The following TNIP1 variants were observed in gnomAD, a reference collection of about 807,000 sequenced individuals.
The protein encoded by TNIP1 is TNFAIP3-interacting protein 1.
Under a neutral mutation model 86.6 loss-of-function variants are expected in TNIP1, and 22 were observed. That is an observed-to-expected ratio of 0.25 (90% CI 0.18 to 0.36). The LOEUF (loss-of-function observed/expected upper bound fraction) is 0.36, where lower values mean the gene tolerates loss of function less well. TNIP1 is among the 10% of genes least tolerant of loss of function. TNIP1 has a pLI of 1.00. For missense variants in TNIP1, 709 were observed against 820.6 expected (o/e 0.86, Z 1.66); for synonymous variants, 294 against 313.0 (o/e 0.94, Z 0.64).
intron 11 of TNIP1, among the ~76,000 whole-genome samples, chr5:151,040,807 A>G (rs912608995): frequency 6.6e-6 from 1 of 152,186 alleles, no homozygotes; most frequent in African/African-American, 2.4e-5. Flanking sequence ...GAAAATGTCC[A>G]TTTTTAAGCT....
chr5:151,033,239 G>A (rs1477221068), intron 16 of TNIP1, among the ~76,000 whole-genome samples: 2 of 151,756 alleles, frequency 1.3e-5, no homozygotes, highest in Non-Finnish European at 2.9e-5. Flanking sequence ...AAAGGAAAGA[G>A]AGAGAAACAT....
At chr5:151,062,091 A>T (rs371678586) in intron 4 of TNIP1, 36 bp downstream of exon 4, 4 of 1,598,870 alleles carry the variant, frequency 2.5e-6, no homozygotes, top group Non-Finnish European at 3.4e-6. Flanking sequence ...AGGTCCATCC[A>T]GGCAACCTCC....
At chr5:151,067,509 G>A (rs1269304858) in intron 1 of TNIP1, among the ~76,000 whole-genome samples, 3 of 152,218 alleles carry the variant, frequency 2.0e-5, no homozygotes, top group Admixed American at 6.5e-5. Flanking sequence ...CAAGGGGCCT[G>A]GAGCCACCTT....
chr5:151,039,031 G>A, intron 12 of TNIP1, 66 bp downstream of exon 12: 1 of 1,562,774 alleles, frequency 6.4e-7, no homozygotes, highest in Non-Finnish European at 8.7e-7. Flanking sequence ...GGGTGCCAGT[G>A]ATGGGGTGGG....
chr5:151,038,002 T>A (rs1237997623), intron 12 of TNIP1, among the ~76,000 whole-genome samples: 1 of 152,222 alleles, frequency 6.6e-6, no homozygotes, highest in Non-Finnish European at 1.5e-5. Context: ...GCATTACTCA[T>A]CCACATGGTG....
chr5:151,076,139 G>A (rs1763367353), intron 1 of TNIP1, among the ~76,000 whole-genome samples: 1 of 152,220 alleles, frequency 6.6e-6, no homozygotes. Context: ...ACTGTCCTGG[G>A]CCAGTCATGG....
At chr5:151,033,127 C>CAA (rs11375507) in intron 16 of TNIP1, among the ~76,000 whole-genome samples, 17,802 of 78,400 alleles carry the variant, frequency 0.23, 2,405 homozygotes, top group East Asian at 0.58. Flanking sequence ...AATTCCATCT[C>CAA]AAAAAAAAAA....
chr5:151,068,129 C>T lies in TNIP1; in HGVS notation c.-36-2998G>A, dbSNP rs3805430. Among the ~76,000 whole-genome samples, 4 of 152,236 alleles carry T rather than the reference C, an allele frequency of 2.6e-5. No homozygotes were observed. The East Asian group carries it at 5.8e-4, about 22-fold the overall frequency. On this transcript the variant is annotated intron_variant, in intron 1 of 17. Transcript: ENST00000521591. ...AAAGAAAGGCAGTGGGCAGAGGAGA[C>T]GCAGGAGAAATATCCTATTGTGGGA...
At chr5:151,051,376 C>T (rs915108024) in intron 7 of TNIP1, among the ~76,000 whole-genome samples, 3 of 152,128 alleles carry the variant, frequency 2.0e-5, no homozygotes, top group Non-Finnish European at 2.9e-5. Context: ...AGCTGGTACC[C>T]ACCAGATGAC....
intron 11 of TNIP1, among the ~76,000 whole-genome samples, chr5:151,041,417 C>A (rs1581756760): frequency 6.6e-6 from 1 of 152,324 alleles, no homozygotes; most frequent in Non-Finnish European, 1.5e-5. Flanking sequence ...GTTGTCCAGT[C>A]TGGAGTGCAG....
At chr5:151,070,544 T>C (rs1482500658) in intron 1 of TNIP1, among the ~76,000 whole-genome samples, 1 of 152,186 alleles carries the variant, frequency 6.6e-6, no homozygotes, top group Non-Finnish European at 1.5e-5. Context: ...CCATAGCTAG[T>C]GAACATGTAG....
At chr5:151,059,437 C>A (rs1378527184) in intron 5 of TNIP1, among the ~76,000 whole-genome samples, 1 of 152,172 alleles carries the variant, frequency 6.6e-6, no homozygotes, top group Non-Finnish European at 1.5e-5. Flanking sequence ...CTGCACTGGG[C>A]ACTGACAGGT....
chr5:151,052,030 G>T, intron 7 of TNIP1, 135 bp downstream of exon 7: 1 of 691,952 alleles, frequency 1.4e-6, no homozygotes, highest in Non-Finnish European at 2.4e-6. Flanking sequence ...AGGATCAAGA[G>T]ACGTAACCTC....
Position 151,043,084 on chromosome 5 carries a change from A to C in TNIP1, c.937-123T>G. On this transcript the variant is annotated intron_variant, in intron 9 of 17. Coordinates refer to ENST00000521591, the MANE Select transcript of TNIP1 (RefSeq NM_006058.5). ...GTGTGTGTGAATAGTGGCTACAGACACTGTCTCCATCCCTCAGCTCTCGAA... is the reference window on the plus strand; with the variant it reads ...GTGTGTGTGAATAGTGGCTACAGACCCTGTCTCCATCCCTCAGCTCTCGAA... 4.1e-6 allele frequency: 4 copies of C among 964,246 alleles called. No homozygotes were observed. The Admixed American group carries it at 7.1e-5, about 17-fold the overall frequency. 59.7% of individuals were successfully genotyped at this position (964,246 alleles called of 1,614,324 possible).
At chr5:151,048,641 A>T (rs1205055007) in intron 8 of TNIP1, among the ~76,000 whole-genome samples, 1 of 152,190 alleles carries the variant, frequency 6.6e-6, no homozygotes, top group Admixed American at 6.5e-5. Flanking sequence ...AGACGAGTGG[A>T]GATTAAAGGG....
intron 7 of TNIP1, among the ~76,000 whole-genome samples, chr5:151,050,636 CTTCT>C (rs1040497199): frequency 2.6e-5 from 4 of 152,060 alleles, no homozygotes; most frequent in African/African-American, 7.2e-5. Flanking sequence ...TAAAATGTTT[CTTCT>C]TTCTTTTTTT....
intron 4 of TNIP1, among the ~76,000 whole-genome samples, chr5:151,061,066 T>C (rs569811836): frequency 1.3e-5 from 2 of 152,382 alleles, no homozygotes; most frequent in South Asian, 2.1e-4. Context: ...AAATCCACGG[T>C]GGCCAAGAAA....
intron 17 of TNIP1, 53 bp from the exon 18 acceptor site, chr5:151,030,800 C>T: frequency 6.1e-6 from 9 of 1,466,936 alleles, no homozygotes; most frequent in Non-Finnish European, 8.5e-6. Context: ...GAGCGAGTTT[C>T]AAAGTCTCTT....
chr5:151,066,318 C>T (rs1256498877), intron 1 of TNIP1, among the ~76,000 whole-genome samples: 3 of 152,232 alleles, frequency 2.0e-5, no homozygotes, highest in Non-Finnish European at 4.4e-5. Context: ...AAGGCTGAAA[C>T]ACCGAGCCAG....
Sources: gnomAD v4.1 joint callset for allele counts (sites outside exome capture counted in the v4.1 genomes callset) on GRCh38, gnomAD v4.1.1 for gene constraint, MANE v1.5 for transcripts, NCBI Gene and HGNC (gene_info 2026-07-23, HGNC 2026-07-21) for gene names.